LOC128462377: variants seen among roughly 807,000 people sequenced by gnomAD.
the LOC128462377 span, among the ~76,000 whole-genome samples, chr16:89,391,751 C>A: frequency 2.0e-5 from 3 of 152,210 alleles, no homozygotes; most frequent in Non-Finnish European, 2.9e-5. Context: ...AGAGGTTCCT[C>A]TTCAAAGACT....
chr16:89,374,967 A>G, the LOC128462377 span, among the ~76,000 whole-genome samples: 1 of 152,182 alleles, frequency 6.6e-6, no homozygotes, highest in Non-Finnish European at 1.5e-5. Flanking sequence ...TGTACAAAAT[A>G]TATGTAGATA....
chr16:89,389,046 T>C, the LOC128462377 span, among the ~76,000 whole-genome samples: 1 of 152,230 alleles, frequency 6.6e-6, no homozygotes, highest in African/African-American at 2.4e-5. Context: ...TGGAACAATT[T>C]GAGCAAAAAA....
the LOC128462377 span, among the ~76,000 whole-genome samples, chr16:89,326,878 C>T: frequency 2.0e-5 from 3 of 152,224 alleles, no homozygotes; most frequent in Non-Finnish European, 2.9e-5. Context: ...TGGTGGCATC[C>T]GGGCACATCT....
the LOC128462377 span, among the ~76,000 whole-genome samples, chr16:89,413,408 G>A: frequency 1.3e-5 from 2 of 152,202 alleles, no homozygotes; most frequent in South Asian, 4.1e-4. Context: ...GGCAGATCAC[G>A]AGGTCAGGAG....
At chr16:89,361,157 G>T in the LOC128462377 span, among the ~76,000 whole-genome samples, 2 of 152,280 alleles carry the variant, frequency 1.3e-5, no homozygotes, top group African/African-American at 4.8e-5. Flanking sequence ...CTTCCTGTAA[G>T]CCTGAAACCC....
chr16:89,319,644 C>G, the LOC128462377 span, among the ~76,000 whole-genome samples: 1 of 152,252 alleles, frequency 6.6e-6, no homozygotes, highest in South Asian at 2.1e-4. Context: ...GAACCACCAC[C>G]CTCATCACAG....
the LOC128462377 span, among the ~76,000 whole-genome samples, chr16:89,382,658 C>A: frequency 1.3e-5 from 2 of 151,498 alleles, no homozygotes; most frequent in African/African-American, 2.4e-5. Context: ...AATTCCCCCC[C>A]TCCAGTAGAT....
the LOC128462377 span, among the ~76,000 whole-genome samples, chr16:89,389,853 C>T: frequency 4.1e-5 from 5 of 121,590 alleles, no homozygotes; most frequent in African/African-American, 9.7e-5. Flanking sequence ...CGGGGAGCAC[C>T]GAGAGAAAGA....
chr16:89,368,914 T>A, the LOC128462377 span, among the ~76,000 whole-genome samples: 4,425 of 152,164 alleles, frequency 0.029, 146 homozygotes, highest in African/African-American at 0.074. Context: ...ATTTAAAAAA[T>A]GGGCACACAG....
the LOC128462377 span, among the ~76,000 whole-genome samples, chr16:89,380,776 C>G: frequency 1.3e-5 from 2 of 152,212 alleles, no homozygotes; most frequent in Non-Finnish European, 2.9e-5. Context: ...ATCTCCTGCA[C>G]GGGCAGCAGG....
the LOC128462377 span, among the ~76,000 whole-genome samples, chr16:89,371,258 A>C: frequency 2.6e-5 from 4 of 152,232 alleles, no homozygotes; most frequent in Non-Finnish European, 4.4e-5. Flanking sequence ...ACCTACACAG[A>C]GAGGCAGGTT....
the LOC128462377 span, among the ~76,000 whole-genome samples, chr16:89,397,967 C>T: frequency 1.1e-4 from 17 of 152,354 alleles, no homozygotes; most frequent in Middle Eastern, 3.4e-3. Flanking sequence ...TGAATCGGTG[C>T]AATATTCACC....
the LOC128462377 span, among the ~76,000 whole-genome samples, chr16:89,335,284 C>G: frequency 2.0e-5 from 3 of 152,138 alleles, no homozygotes; most frequent in Non-Finnish European, 4.4e-5. Flanking sequence ...GCCAGTGCAC[C>G]CCCAAGCAGG....
At chr16:89,366,129 C>CAAAA in the LOC128462377 span, among the ~76,000 whole-genome samples, 10 of 60,428 alleles carry the variant, frequency 1.7e-4, no homozygotes, top group African/African-American at 5.6e-4. Context: ...GACTCCATCT[C>CAAAA]AAAAAAAAAA....
the LOC128462377 span, among the ~76,000 whole-genome samples, chr16:89,358,072 G>A: frequency 6.6e-6 from 1 of 152,158 alleles, no homozygotes; most frequent in Admixed American, 6.5e-5. Context: ...AGTGAGTGAG[G>A]CACCAGATGC....
the LOC128462377 span, among the ~76,000 whole-genome samples, chr16:89,344,411 C>T: frequency 6.6e-6 from 1 of 152,326 alleles, no homozygotes; most frequent in East Asian, 1.9e-4. Context: ...CAACTCCAGA[C>T]CCCGTCAGGG....
the LOC128462377 span, among the ~76,000 whole-genome samples, chr16:89,358,269 C>T: frequency 6.6e-6 from 1 of 152,246 alleles, no homozygotes; most frequent in Admixed American, 6.5e-5. Context: ...TTGCAGAAGA[C>T]GTAGAGCACA....
At chr16:89,341,796 A>G in the LOC128462377 span, among the ~76,000 whole-genome samples, 2 of 152,180 alleles carry the variant, frequency 1.3e-5, no homozygotes, top group African/African-American at 4.8e-5. Flanking sequence ...GAGATGGCAG[A>G]GTCTGGCACG....
the LOC128462377 span, among the ~76,000 whole-genome samples, chr16:89,406,620 G>A: frequency 6.6e-6 from 1 of 152,190 alleles, no homozygotes; most frequent in African/African-American, 2.4e-5. Flanking sequence ...GACAAGGAAG[G>A]CCCAGGGCAG....
Sources: gnomAD v4.1 joint callset for allele counts (sites outside exome capture counted in the v4.1 genomes callset) on GRCh38, gnomAD v4.1.1 for gene constraint, MANE v1.5 for transcripts.